The following NSUN5 variants were observed in gnomAD, a reference collection of about 807,000 sequenced individuals.
The protein encoded by NSUN5 is NOP2/Sun RNA methyltransferase 5.
Under a neutral mutation model 51.1 loss-of-function variants are expected in NSUN5, and 39 were observed. That is an observed-to-expected ratio of 0.76 (90% confidence interval 0.59 to 1.00). The LOEUF (loss-of-function observed/expected upper bound fraction) is 1.00. NSUN5 is among the 50% of genes least tolerant of loss of function. NSUN5 has a pLI of 0.00. For missense variants in NSUN5, 526 were observed against 614.0 expected (o/e 0.86, Z 1.51); for synonymous variants, 266 against 271.5 (o/e 0.98, Z 0.20).
chr7:73,304,741 A>C lies in NSUN5; in HGVS notation c.755+6T>G, dbSNP rs1355605465. 2.5e-6 allele frequency: 4 copies of C among 1,597,034 alleles called. No homozygotes were observed. Among genetic ancestry groups the C allele is most frequent in the Non-Finnish European group, 3.4e-6 (4 of 1,164,700 alleles). Reference sequence around the variant, plus strand: ...CATGTCCTCCTCCTCCTCCTGTGGCACTCACCCTTGGTTCTTCAGAAGAGC... The same window carrying C: ...CATGTCCTCCTCCTCCTCCTGTGGCCCTCACCCTTGGTTCTTCAGAAGAGC... On this transcript the variant is annotated splice_donor_region_variant and intron_variant, in intron 6 of 9. Transcript: ENST00000438747.
chr7:73,304,634 T>A, intron 6 of NSUN5, 113 bp downstream of exon 6: 1 of 1,011,174 alleles, frequency 9.9e-7, no homozygotes, highest in Non-Finnish European at 1.5e-6. Context: ...TACCGTGAAC[T>A]GCTTTGGTGC....
chr7:73,308,752 G>A lies in NSUN5; in HGVS notation c.39C>T (p.Gly13=), dbSNP rs1804158927. The change falls in exon 1 of 10, where the codon GGC becomes GGT. Residue 13 remains glycine (G), a synonymous_variant. Coordinates refer to ENST00000438747, the MANE Select transcript of NSUN5 (RefSeq NM_148956.4). The part of the protein sequence containing the change: ...LYAAAAGVLA[G]VESRQGSIKG... Reference sequence around the variant, plus strand: ...TGATAGAGCCCTGGCGGCTCTCCACGCCGGCCAACACGCCTGCAGCTGCAG... The same window carrying A: ...TGATAGAGCCCTGGCGGCTCTCCACACCGGCCAACACGCCTGCAGCTGCAG... 2.5e-6 allele frequency: 4 copies of A among 1,612,706 alleles called. No homozygotes were observed. The highest frequency in any genetic ancestry group is 2.7e-5 in the African/African-American group (2 of 74,956).
In NSUN5 at chr7:73,303,307, T is replaced by C. The variant is rs1399762760; in HGVS notation, c.*108A>G. 2.5e-6 allele frequency: 4 copies of C among 1,613,796 alleles called. No homozygotes were observed. The highest frequency in any genetic ancestry group is 1.6e-4 in the Middle Eastern group (1 of 6,078). On this transcript the variant is annotated 3_prime_UTR_variant, in exon 10 of 10. Coordinates refer to ENST00000438747, the MANE Select transcript of NSUN5 (RefSeq NM_148956.4). ...AACACAGCCCAAGGAAGGGACCCAA[T>C]AACCTTTCAAAACCCAAACTGCTTC... is the stretch of plus-strand genomic sequence containing the variant.
In NSUN5 at chr7:73,303,747, G is replaced by A. The variant is rs782138269; in HGVS notation, c.1146-7C>T. On this transcript the variant is annotated splice_polypyrimidine_tract_variant and splice_region_variant and intron_variant, in intron 8 of 9. Transcript: ENST00000438747. Reference sequence around the variant, plus strand: ...AGGCAGGGCGGGAGCTAGCCTGCAAGAGAAACGGCCCCAATGCTGGGTAAG... The same window carrying A: ...AGGCAGGGCGGGAGCTAGCCTGCAAAAGAAACGGCCCCAATGCTGGGTAAG... The A allele has an allele frequency of 6.2e-7, 1 of 1,614,036 alleles. No homozygotes were observed. Among genetic ancestry groups the A allele is most frequent in the South Asian group, 1.1e-5 (1 of 91,074 alleles).
intron 8 of NSUN5, 35 bp downstream of exon 8, chr7:73,303,791 C>T (rs1554541201): frequency 3.7e-6 from 6 of 1,613,780 alleles, no homozygotes; most frequent in Non-Finnish European, 5.1e-6. Context: ...TCACCCCGTC[C>T]CCCACTCCCC....
rs1339269703 is a variant in NSUN5, at chr7:73,303,067, G to A, written c.*348C>T. 47 of 1,373,422 alleles carry A rather than the reference G, an allele frequency of 3.4e-5. 2 individuals carry two copies. In the South Asian group the frequency reaches 6.4e-4, roughly 19 times the overall value. 85.1% of individuals were successfully genotyped at this position (1,373,422 alleles called of 1,614,324 possible). On this transcript the variant is annotated 3_prime_UTR_variant, in exon 10 of 10. Coordinates refer to ENST00000438747, the MANE Select transcript of NSUN5 (RefSeq NM_148956.4). Reference sequence around the variant, plus strand: ...GTCCGGGAACCCTGAGTGAGTGTGAGTGTGGATGTGTACAGTACACGCACT... The same window carrying A: ...GTCCGGGAACCCTGAGTGAGTGTGAATGTGGATGTGTACAGTACACGCACT...
At position 73,305,034 on chromosome 7, in the gene NSUN5, C is replaced by T. The variant is rs1803981216; in HGVS notation, c.564G>A (p.Leu188=). 1 of 1,610,678 alleles carries T rather than the reference C, an allele frequency of 6.2e-7. No homozygotes were observed. The highest frequency in any genetic ancestry group is 2.2e-5 in the East Asian group (1 of 44,862). ...GATCTGTCTGGGCGGGAAACACCAG[C>T]AGCTCCGGCATCAAGGGGTCCAGGA... ...HFLLDPLMPE[L]LVFPAQTDLH... is the part of the protein sequence containing the mutation. Residue 188 remains leucine (L), a synonymous_variant, in exon 5 of 10, where the codon CTG becomes CTA. Transcript: ENST00000438747.
chr7:73,303,803 C>T lies in NSUN5; in HGVS notation c.1145+23G>A, dbSNP rs782024774. On this transcript the variant is annotated intron_variant, in intron 8 of 9. Coordinates refer to ENST00000438747, the MANE Select transcript of NSUN5 (RefSeq NM_148956.4). ...AGCTCACCCCGTCCCCCACTCCCCA[C>T]GACCCTGGCGCCCGCCCTGTACCTG... is the stretch of plus-strand genomic sequence containing the variant. 36 of 1,613,660 alleles carry T rather than the reference C, an allele frequency of 2.2e-5. 1 individual carries two copies. In the South Asian group the frequency reaches 2.5e-4, roughly 11 times the overall value.
At chr7:73,305,743 C>T (rs1804013707) in intron 4 of NSUN5, among the ~76,000 whole-genome samples, 1 of 152,088 alleles carries the variant, frequency 6.6e-6, no homozygotes, top group Admixed American at 6.5e-5. Context: ...GCCGACTCTC[C>T]GACCCATGCA....
chr7:73,303,844 T>C lies in NSUN5; in HGVS notation c.1127A>G (p.Gln376Arg). ...NEDVVRDALQ[Q>R]NPGAFRLAPA... ...CCTGTACCTGAAGGCGCCCGGGTTCTGCTGCAGCGCATCTCGCACCACGTC... is the reference window on the plus strand; with the variant it reads ...CCTGTACCTGAAGGCGCCCGGGTTCCGCTGCAGCGCATCTCGCACCACGTC... The change falls in exon 8 of 10, where the codon CAG becomes CGG. Residue 376 changes from glutamine (Q) to arginine (R), a missense_variant. Transcript: ENST00000438747. The C allele has an allele frequency of 6.2e-7, 1 of 1,613,882 alleles. No individual in the cohort carries two copies. Among genetic ancestry groups the C allele is most frequent in the Non-Finnish European group, 8.5e-7 (1 of 1,179,904 alleles).
chr7:73,305,460 T>G (rs2115650587), intron 4 of NSUN5, among the ~76,000 whole-genome samples: 1 of 151,300 alleles, frequency 6.6e-6, no homozygotes, highest in Admixed American at 6.6e-5. Flanking sequence ...GGAAAAAGTT[T>G]ACTTTTTTTT....
At chr7:73,305,604 GTTTAC>G (rs782049020) in intron 4 of NSUN5, among the ~76,000 whole-genome samples, 79 of 151,700 alleles carry the variant, frequency 5.2e-4, no homozygotes, top group African/African-American at 1.8e-3. Flanking sequence ...AGCAGAAAAA[GTTTAC>G]TTTACAGGGG....
In NSUN5 at chr7:73,302,865, G is replaced by A. The variant is rs1425225074; in HGVS notation, c.*550C>T. 6.9e-6 allele frequency: 7 copies of A among 1,019,800 alleles called. No homozygotes were observed. Among genetic ancestry groups the A allele is most frequent in the East Asian group, 8.5e-5 (1 of 11,712 alleles). 63.2% of individuals were successfully genotyped at this position (1,019,800 alleles called of 1,614,324 possible). On this transcript the variant is annotated 3_prime_UTR_variant, in exon 10 of 10. Coordinates refer to ENST00000438747, the MANE Select transcript of NSUN5 (RefSeq NM_148956.4). ...ACAGCTCTGATCCTCGTTAATACCT[G>A]GCTGCGTGTGCAGCTGAGGAGGGAG...
rs1377736188 is a variant in NSUN5 at position 73,303,402 on chromosome 7, C to T, written c.*13G>A. ...TCCTTTCCCACCAGGAAGGAGTCAGCCCGGAGCCTCTGCTATGTGCAAGGC... is the reference window on the plus strand; with the variant it reads ...TCCTTTCCCACCAGGAAGGAGTCAGTCCGGAGCCTCTGCTATGTGCAAGGC... On this transcript the variant is annotated 3_prime_UTR_variant, in exon 10 of 10. Coordinates refer to ENST00000438747, the MANE Select transcript of NSUN5 (RefSeq NM_148956.4). The T allele has an allele frequency of 1.2e-6, 2 of 1,613,982 alleles. No individual in the cohort carries two copies. The highest frequency in any genetic ancestry group is 1.7e-5 in the Admixed American group (1 of 59,980).
chr7:73,307,614 G>T lies in NSUN5; in HGVS notation c.360C>A (p.Asp120Glu), dbSNP rs1554542063. 1.3e-5 allele frequency: 21 copies of T among 1,604,164 alleles called. No individual in the cohort carries two copies. Among genetic ancestry groups the T allele is most frequent in the African/African-American group, 7.0e-5 (5 of 71,142 alleles). Residue 120 changes from aspartate (D) to glutamate (E), a missense_variant, in exon 3 of 10, where the codon GAC (aspartate) becomes GAA (glutamate). Transcript: ENST00000438747. Reference protein sequence around the residue: ...KVHRGVSRNEDLLEVGSRPGP... With the variant: ...KVHRGVSRNEELLEVGSRPGP... ...CAGGCCTGGATCCCACTTCCAACAG[G>T]TCCTCATTCCGGCTCACACCCCGAT...
chr7:73,306,944 G>A (rs1804063599), intron 4 of NSUN5, among the ~76,000 whole-genome samples: 1 of 152,148 alleles, frequency 6.6e-6, no homozygotes, highest in Admixed American at 6.6e-5. Flanking sequence ...GGAGGGAGGA[G>A]AAGGAAGCAC....
chr7:73,308,066 C>A (rs1203828989), intron 2 of NSUN5: 5 of 463,120 alleles, frequency 1.1e-5, no homozygotes, highest in Non-Finnish European at 1.5e-5. Flanking sequence ...TGGGGTCTAG[C>A]TCTGTCGCCC....
chr7:73,308,435 G>A lies in NSUN5; in HGVS notation c.212C>T (p.Ala71Val). 1 of 1,600,794 alleles carries A rather than the reference G, an allele frequency of 6.2e-7. No homozygotes were observed. Among genetic ancestry groups the A allele is most frequent in the Non-Finnish European group, 8.5e-7 (1 of 1,171,998 alleles). ...RAEKKLRPHL[A>V]KVLVYELLLG... Reference sequence around the variant, plus strand: ...CCGTCCCTCCCCTCCCCTCACCTTGGCCAGGTGCGGCCGCAGCTTCTTCTC... The same window carrying A: ...CCGTCCCTCCCCTCCCCTCACCTTGACCAGGTGCGGCCGCAGCTTCTTCTC... The change falls in exon 2 of 10, where the codon GCC becomes GTC. Residue 71 changes from alanine to valine, a missense_variant. Coordinates refer to ENST00000438747, the MANE Select transcript of NSUN5 (RefSeq NM_148956.4).
intron 4 of NSUN5, among the ~76,000 whole-genome samples, chr7:73,306,569 G>T: frequency 6.6e-6 from 1 of 151,956 alleles, no homozygotes; most frequent in East Asian, 1.9e-4. Flanking sequence ...CCTAGGCAGT[G>T]TCCGAGGGGC....
Sources: allele counts gnomAD v4.1 joint callset (sites outside exome capture counted in the v4.1 genomes callset), GRCh38; gene constraint gnomAD v4.1.1; transcripts MANE v1.5; gene names NCBI Gene and HGNC (gene_info 2026-07-23, HGNC 2026-07-21).